ATP6V1A: variants seen among roughly 807,000 people sequenced by gnomAD.
ATP6V1A encodes ATPase H+ transporting V1 subunit A, also known as V-type proton ATPase catalytic subunit A.
In ATP6V1A, 18 loss-of-function variants were observed where a neutral mutation model predicts 70.1. That is an observed-to-expected ratio of 0.26 (90% CI 0.18 to 0.38). The LOEUF (loss-of-function observed/expected upper bound fraction) is 0.38. Among genes scored for constraint, ATP6V1A ranks in the 10% least tolerant of loss-of-function variants. The pLI, the probability that ATP6V1A is intolerant of heterozygous loss-of-function variation, is 1.00. For missense variants in ATP6V1A, 424 were observed against 772.4 expected, an observed-to-expected ratio of 0.55 and a Z score of 5.35; for synonymous variants, 232 against 253.8, an observed-to-expected ratio of 0.91 and a Z score of 0.82.
Position 113,788,695 on chromosome 3 carries a change from T to C in ATP6V1A, c.717-18T>C. 1 of 1,604,618 alleles carries C rather than the reference T, an allele frequency of 6.2e-7. No homozygotes were observed. The highest frequency in any genetic ancestry group is 1.8e-5 in the Admixed American group (1 of 56,824). On this transcript the variant is annotated intron_variant, in intron 6 of 14. Coordinates refer to ENST00000273398, the MANE Select transcript of ATP6V1A (RefSeq NM_001690.4). ...TATTAGCAAGTCAAGTAATCCATACTTTGTTTTCTTTGTTTAGGTGTGTCC... is the reference window on the plus strand; with the variant it reads ...TATTAGCAAGTCAAGTAATCCATACCTTGTTTTCTTTGTTTAGGTGTGTCC...
intron 1 of ATP6V1A, among the ~76,000 whole-genome samples, chr3:113,771,038 C>T (rs1468978412): frequency 2.0e-5 from 3 of 148,802 alleles, no homozygotes; most frequent in East Asian, 2.0e-4. Context: ...GAGATTGCTG[C>T]GAACCGAGAT....
intron 8 of ATP6V1A, 146 bp from the exon 9 acceptor site, chr3:113,794,726 C>G (rs1242210705): frequency 1.1e-6 from 1 of 871,774 alleles, no homozygotes; most frequent in African/African-American, 1.7e-5. Flanking sequence ...CAGTGTGTGC[C>G]CAGAAAAAGA....
intron 14 of ATP6V1A, among the ~76,000 whole-genome samples, chr3:113,806,712 G>A (rs1284931422): frequency 6.6e-6 from 1 of 151,954 alleles, no homozygotes; most frequent in Non-Finnish European, 1.5e-5. Context: ...TACCCGCCTC[G>A]GCCTCCCGAA....
At chr3:113,769,219 A>G (rs531598699) in intron 1 of ATP6V1A, among the ~76,000 whole-genome samples, 1 of 152,326 alleles carries the variant, frequency 6.6e-6, no homozygotes, top group African/African-American at 2.4e-5. Context: ...AGGTAATGTT[A>G]TTTGTTGGAA....
rs1449581943 is a variant in ATP6V1A, at chr3:113,803,073, A to G, written c.1495-510A>G. Among the ~76,000 whole-genome samples, 7 of 152,324 alleles carry G rather than the reference A, an allele frequency of 4.6e-5. No homozygotes were observed. In the South Asian group the frequency reaches 1.4e-3, roughly 32 times the overall value. ...GTGGTATATATATATATACAATGAGATATTATTCAGCCTTAAAAAAGAGAT... is the reference window on the plus strand; with the variant it reads ...GTGGTATATATATATATACAATGAGGTATTATTCAGCCTTAAAAAAGAGAT... On this transcript the variant is annotated intron_variant, in intron 12 of 14. Transcript: ENST00000273398.
chr3:113,795,317 C>T (rs1239455086), intron 10 of ATP6V1A, 113 bp downstream of exon 10: 27 of 1,182,050 alleles, frequency 2.3e-5, no homozygotes, highest in Admixed American at 1.1e-4. Context: ...CTGGGAGCAG[C>T]GGTTCTTAAG....
intron 1 of ATP6V1A, among the ~76,000 whole-genome samples, chr3:113,766,748 A>G (rs1441531360): frequency 6.6e-6 from 1 of 152,174 alleles, no homozygotes; most frequent in Non-Finnish European, 1.5e-5. Flanking sequence ...TCCATGACAC[A>G]TGGCTTTCTT....
intron 5 of ATP6V1A, among the ~76,000 whole-genome samples, chr3:113,785,555 C>T (rs1402700633): frequency 3.1e-5 from 4 of 127,570 alleles, no homozygotes; most frequent in African/African-American, 1.2e-4. Flanking sequence ...GTTGCCCAGA[C>T]TGGAGTGCAG....
intron 11 of ATP6V1A, among the ~76,000 whole-genome samples, chr3:113,797,171 A>G (rs1002736017): frequency 6.6e-6 from 1 of 152,032 alleles, no homozygotes; most frequent in Non-Finnish European, 1.5e-5. Flanking sequence ...TCCTGACCTC[A>G]GGTGATCCAC....
intron 1 of ATP6V1A, among the ~76,000 whole-genome samples, chr3:113,758,438 C>T (rs917243005): frequency 6.6e-6 from 1 of 151,998 alleles, no homozygotes; most frequent in Non-Finnish European, 1.5e-5. Flanking sequence ...TCCATACCTC[C>T]CCACCTCCTG....
At chr3:113,795,037 A>AT (rs1277302436) in intron 9 of ATP6V1A, 43 bp downstream of exon 9, 5 of 1,612,966 alleles carry the variant, frequency 3.1e-6, no homozygotes, top group South Asian at 1.1e-5. Context: ...GACTGATGGG[A>AT]TTTTCGGGGC....
chr3:113,761,602 G>A (rs1708706029), intron 1 of ATP6V1A, among the ~76,000 whole-genome samples: 1 of 151,482 alleles, frequency 6.6e-6, no homozygotes, highest in South Asian at 2.1e-4. Context: ...CGGGCATGGA[G>A]GCACATGCCT....
At chr3:113,752,303 A>G (rs1013176927) in intron 1 of ATP6V1A, among the ~76,000 whole-genome samples, 5 of 151,902 alleles carry the variant, frequency 3.3e-5, no homozygotes, top group Admixed American at 6.6e-5. Flanking sequence ...AATAGAGAAG[A>G]CTAATTGAAT....
chr3:113,780,699 C>A, intron 2 of ATP6V1A: 7 of 1,262,260 alleles, frequency 5.5e-6, no homozygotes, highest in Non-Finnish European at 7.2e-6. Flanking sequence ...ATTCCAATTT[C>A]TACTTTTAAA....
chr3:113,766,915 T>A (rs1316736171), intron 1 of ATP6V1A, among the ~76,000 whole-genome samples: 1 of 152,132 alleles, frequency 6.6e-6, no homozygotes, highest in Non-Finnish European at 1.5e-5. Flanking sequence ...ACCTAGGTGT[T>A]GTGACCAGAC....
At chr3:113,761,032 A>T (rs1437031084) in intron 1 of ATP6V1A, among the ~76,000 whole-genome samples, 2 of 151,728 alleles carry the variant, frequency 1.3e-5, no homozygotes, top group African/African-American at 4.8e-5. Context: ...GCGCCACTGC[A>T]CTCCAGCCTG....
Position 113,787,708 on chromosome 3 carries a change from A to T in ATP6V1A, c.717-1005A>T, listed in dbSNP as rs543449613. Among the ~76,000 whole-genome samples the T allele has an allele frequency of 2.2e-4, 34 of 152,314 alleles. No homozygotes were observed. The East Asian group carries it at 3.9e-3, about 17-fold the overall frequency. ...AAATAAAGAATTGTGGTATAATTTT[A>T]AAAAAATAGTAGATTTATGTCACCA... On this transcript the variant is annotated intron_variant, in intron 6 of 14. Coordinates refer to ENST00000273398, the MANE Select transcript of ATP6V1A (RefSeq NM_001690.4).
intron 3 of ATP6V1A, among the ~76,000 whole-genome samples, chr3:113,782,859 C>T (rs1252846883): frequency 4.6e-5 from 7 of 151,562 alleles, no homozygotes; most frequent in African/African-American, 1.7e-4. Context: ...CCTGACCTCA[C>T]GATCCACCTG....
In ATP6V1A at chr3:113,792,657, A is replaced by G. The variant is rs138414462; in HGVS notation, c.989-2215A>G. ...GGCCTCTTTGTACATTTCTTAGGGT[A>G]ATTTCTTAGAAGCAAAATTCCTGCC... On this transcript the variant is annotated intron_variant, in intron 8 of 14. Coordinates refer to ENST00000273398, the MANE Select transcript of ATP6V1A (RefSeq NM_001690.4). Among the ~76,000 whole-genome samples the G allele has an allele frequency of 9.7e-3, 1,480 of 152,258 alleles. 19 individuals carry two copies. Among genetic ancestry groups the G allele is most frequent in the African/African-American group, 0.033 (1,383 of 41,552 alleles).
Sources: allele counts gnomAD v4.1 joint callset (sites outside exome capture counted in the v4.1 genomes callset), GRCh38; gene constraint gnomAD v4.1.1; transcripts MANE v1.5; gene names NCBI Gene and HGNC (gene_info 2026-07-23, HGNC 2026-07-21).